PCDH15: variants seen among roughly 807,000 people sequenced by gnomAD.
PCDH15 encodes the protein protocadherin-15.
PCDH15 carries 129 observed loss-of-function variants against 178.5 expected under a neutral mutation model. The observed-to-expected ratio is 0.72, with a 90% CI of 0.63 to 0.84. PCDH15 has a LOEUF of 0.84. Among genes scored for constraint, PCDH15 ranks in the 40% least tolerant of loss-of-function variants. PCDH15 has a pLI of 0.00. For synonymous variants in PCDH15, 800 were observed against 732.0 expected, an observed-to-expected ratio of 1.09 and a Z score of -1.50; for missense variants, 2,230 against 2,099.9, an observed-to-expected ratio of 1.06 and a Z score of -1.21.
intron 32 of PCDH15, chr10:53,823,278 A>ATCACAACTTGTTGATGTTTCCTGTCT: frequency 6.2e-7 from 1 of 1,614,068 alleles, no homozygotes; most frequent in Non-Finnish European, 8.5e-7. Context: ...AGAAAAGGGC[A>ATCACAACTTGTTGATGTTTCCTGTCT]TCACAACTTG....
chr10:55,142,222 T>C (rs1486063422), intron 2 of PCDH15, among the ~76,000 whole-genome samples: 1 of 152,136 alleles, frequency 6.6e-6, no homozygotes, highest in East Asian at 1.9e-4. Flanking sequence ...ATTTTTCTAA[T>C]GGTTTTATCA....
chr10:54,229,888 C>T (rs1591308763), intron 9 of PCDH15, among the ~76,000 whole-genome samples: 1 of 152,038 alleles, frequency 6.6e-6, no homozygotes, highest in Non-Finnish European at 1.5e-5. Context: ...CTTTATGAAC[C>T]CTCTCATCTC....
At chr10:55,614,761 G>A (rs951326610) in intron 2 of PCDH15, among the ~76,000 whole-genome samples, 2 of 152,028 alleles carry the variant, frequency 1.3e-5, no homozygotes, top group African/African-American at 2.4e-5. Context: ...AAAGTCTTTG[G>A]TTTATTTCTA....
intron 2 of PCDH15, among the ~76,000 whole-genome samples, chr10:55,052,083 C>T (rs1349488173): frequency 6.6e-6 from 1 of 150,642 alleles, no homozygotes; most frequent in African/African-American, 2.4e-5. Context: ...TCAAAATAAT[C>T]GATACGATTT....
intron 2 of PCDH15, among the ~76,000 whole-genome samples, chr10:55,472,465 C>T (rs1839978316): frequency 2.0e-5 from 2 of 99,754 alleles, no homozygotes; most frequent in Admixed American, 1.1e-4. Flanking sequence ...TTTGAATTAG[C>T]TTTTTTTTTT....
At chr10:53,984,807 T>C (rs1335017812) in intron 21 of PCDH15, among the ~76,000 whole-genome samples, 3 of 152,226 alleles carry the variant, frequency 2.0e-5, no homozygotes, top group Non-Finnish European at 4.4e-5. Context: ...ATCTTTTAAC[T>C]AGACCATTTA....
chr10:53,950,334 A>T (rs1054252486), intron 23 of PCDH15, among the ~76,000 whole-genome samples: 1 of 152,090 alleles, frequency 6.6e-6, no homozygotes, highest in Non-Finnish European at 1.5e-5. Flanking sequence ...TTAGGTTGTT[A>T]TGGAAATTAC....
chr10:54,855,707 A>C (rs1475111023), intron 3 of PCDH15, among the ~76,000 whole-genome samples: 3 of 152,192 alleles, frequency 2.0e-5, no homozygotes, highest in Non-Finnish European at 4.4e-5. Flanking sequence ...TCTAGGAATT[A>C]ATTTTTTACT....
At chr10:54,368,016 G>T (rs1044558570) in intron 5 of PCDH15, among the ~76,000 whole-genome samples, 7 of 151,832 alleles carry the variant, frequency 4.6e-5, no homozygotes, top group African/African-American at 1.7e-4. Context: ...ATTAGTATCT[G>T]TCATTACAGT....
intron 3 of PCDH15, among the ~76,000 whole-genome samples, chr10:54,878,233 G>C (rs770992406): frequency 2.0e-5 from 3 of 152,022 alleles, no homozygotes; most frequent in Non-Finnish European, 4.4e-5. Flanking sequence ...AAAGTGCTGG[G>C]ATTACAGGCA....
chr10:54,599,230 G>A (rs1331848875), intron 2 of PCDH15, among the ~76,000 whole-genome samples: 3 of 152,104 alleles, frequency 2.0e-5, no homozygotes, highest in South Asian at 2.1e-4. Context: ...CAAAGCCGGA[G>A]GCATCATGCT....
chr10:53,925,642 C>T (rs932448574), intron 25 of PCDH15, among the ~76,000 whole-genome samples: 5 of 152,208 alleles, frequency 3.3e-5, no homozygotes, highest in Admixed American at 6.5e-5. Flanking sequence ...CAGGGAATCT[C>T]CTATCATTAC....
intron 2 of PCDH15, among the ~76,000 whole-genome samples, chr10:54,559,025 G>A (rs574151475): frequency 6.6e-6 from 1 of 151,896 alleles, no homozygotes; most frequent in Non-Finnish European, 1.5e-5. Context: ...AATTGCGCAG[G>A]TTCCTCATGA....
At chr10:55,217,813 T>C (rs564917380) in intron 1 of PCDH15, among the ~76,000 whole-genome samples, 3 of 152,032 alleles carry the variant, frequency 2.0e-5, no homozygotes, top group Non-Finnish European at 4.4e-5. Flanking sequence ...TGGTATTTTA[T>C]GTCTTAATCA....
chr10:54,284,158 A>G (rs184247260), intron 8 of PCDH15, among the ~76,000 whole-genome samples: 2 of 152,316 alleles, frequency 1.3e-5, no homozygotes, highest in East Asian at 1.9e-4. Flanking sequence ...TCAATAAATT[A>G]TATTTAACAA....
At chr10:54,016,596 T>G (rs1354742243) in intron 20 of PCDH15, among the ~76,000 whole-genome samples, 1 of 152,160 alleles carries the variant, frequency 6.6e-6, no homozygotes, top group African/African-American at 2.4e-5. Context: ...TGGATGCAAC[T>G]AGAAGCCATT....
chr10:55,624,950 T>G (rs756025249), intron 2 of PCDH15, among the ~76,000 whole-genome samples: 1 of 152,150 alleles, frequency 6.6e-6, no homozygotes, highest in Non-Finnish European at 1.5e-5. Flanking sequence ...ACTTTCTCTT[T>G]GTGTAATTTC....
chr10:53,812,850 T>C (rs958717426), intron 35 of PCDH15, among the ~76,000 whole-genome samples: 1 of 152,146 alleles, frequency 6.6e-6, no homozygotes, highest in Non-Finnish European at 1.5e-5. Flanking sequence ...ATCTATTATT[T>C]ATAAAAATTT....
intron 2 of PCDH15, among the ~76,000 whole-genome samples, chr10:54,541,780 T>C (rs2085259640): frequency 6.6e-6 from 1 of 152,206 alleles, no homozygotes; most frequent in Non-Finnish European, 1.5e-5. Flanking sequence ...TTCTAATTAT[T>C]CTTAATGAGG....
Sources: gnomAD v4.1 joint callset for allele counts (sites outside exome capture counted in the v4.1 genomes callset) on GRCh38, gnomAD v4.1.1 for gene constraint, MANE v1.5 for transcripts, NCBI Gene and HGNC (gene_info 2026-07-23, HGNC 2026-07-21) for gene names.